The following GNAQ variants were observed in gnomAD, a reference collection of about 807,000 sequenced individuals.
The protein encoded by GNAQ is guanine nucleotide-binding protein G(q) subunit alpha.
GNAQ carries 8 observed loss-of-function variants against 43.9 expected under a neutral mutation model. The ratio of observed to expected loss-of-function variants is 0.18; its 90% confidence interval spans 0.11 to 0.33. GNAQ has a LOEUF of 0.33. Among genes scored for constraint, GNAQ ranks in the 10% least tolerant of loss-of-function variants. The pLI is 1.00. For synonymous variants in GNAQ, 155 were observed against 170.7 expected (o/e 0.91, Z 0.71); for missense variants, 158 against 450.8 (o/e 0.35, Z 5.88).
intron 2 of GNAQ, among the ~76,000 whole-genome samples, chr9:77,905,707 A>C (rs989426011): frequency 5.9e-5 from 9 of 152,186 alleles, no homozygotes; most frequent in African/African-American, 2.2e-4. Context: ...ATTCAGGAAA[A>C]TTCTGTCCAA....
At chr9:78,007,521 A>G (rs1202464515) in intron 1 of GNAQ, among the ~76,000 whole-genome samples, 1 of 152,214 alleles carries the variant, frequency 6.6e-6, no homozygotes, top group African/African-American at 2.4e-5. Flanking sequence ...CATACAAAGA[A>G]GGCTGAAAAA....
intron 2 of GNAQ, among the ~76,000 whole-genome samples, chr9:77,816,110 A>G: frequency 6.6e-6 from 1 of 152,288 alleles, no homozygotes; most frequent in East Asian, 1.9e-4. Flanking sequence ...TTATTATTAA[A>G]AGAAAAGGAG....
rs1368641750 is a variant in GNAQ at position 77,762,758 on chromosome 9, G to C, written c.735+31705C>G. ...TTTCATTTTGTTCTGTACTAAGAAA[G>C]ATTCTTCTGCCTTGGGATCCTGTTG... On this transcript the variant is annotated intron_variant, in intron 5 of 6. Transcript: ENST00000286548. Among the ~76,000 whole-genome samples, 10 of 152,228 alleles carry C rather than the reference G, an allele frequency of 6.6e-5. No individual in the cohort carries two copies. The East Asian group carries it at 1.7e-3, about 27-fold the overall frequency.
At chr9:78,006,326 T>C (rs1342155077) in intron 1 of GNAQ, among the ~76,000 whole-genome samples, 1 of 152,182 alleles carries the variant, frequency 6.6e-6, no homozygotes, top group African/African-American at 2.4e-5. Context: ...AAAAGAAGTA[T>C]ACTGCCCCCT....
intron 1 of GNAQ, among the ~76,000 whole-genome samples, chr9:77,974,884 T>C (rs570748428): frequency 3.2e-4 from 49 of 152,366 alleles, no homozygotes; most frequent in African/African-American, 1.1e-3. Context: ...TTTTACTTTG[T>C]TGCATAGCTT....
chr9:77,958,321 T>C (rs1216965021), intron 1 of GNAQ, among the ~76,000 whole-genome samples: 2 of 152,056 alleles, frequency 1.3e-5, no homozygotes, highest in Non-Finnish European at 2.9e-5. Flanking sequence ...TTGTATCCTA[T>C]TGGCAACACG....
chr9:77,883,921 C>A lies in GNAQ; in HGVS notation c.321+38240G>T, dbSNP rs183549555. 1.7e-4 allele frequency among the ~76,000 whole-genome samples: 26 copies of A among 152,350 alleles called. No individual in the cohort carries two copies. In the East Asian group the frequency reaches 3.7e-3, roughly 21 times the overall value. Reference sequence around the variant, plus strand: ...CAAGTTTATTTAACACTGTCACAGGCTCTCAAATTCTTCTCAAGATTTTGG... The same window carrying A: ...CAAGTTTATTTAACACTGTCACAGGATCTCAAATTCTTCTCAAGATTTTGG... On this transcript the variant is annotated intron_variant, in intron 2 of 6. Transcript: ENST00000286548.
intron 1 of GNAQ, among the ~76,000 whole-genome samples, chr9:77,928,872 T>A (rs1312262795): frequency 6.6e-6 from 1 of 151,750 alleles, no homozygotes; most frequent in Non-Finnish European, 1.5e-5. Flanking sequence ...ATACAAAAAT[T>A]AGCTAGACGT....
At chr9:77,970,092 G>A (rs969303865) in intron 1 of GNAQ, among the ~76,000 whole-genome samples, 4 of 152,022 alleles carry the variant, frequency 2.6e-5, no homozygotes, top group African/African-American at 7.2e-5. Flanking sequence ...AGTGGTGCAC[G>A]CCTGTAATCC....
At chr9:77,952,498 G>A (rs568954974) in intron 1 of GNAQ, among the ~76,000 whole-genome samples, 2 of 152,272 alleles carry the variant, frequency 1.3e-5, no homozygotes, top group South Asian at 4.1e-4. Flanking sequence ...GTATCCAACT[G>A]TGCTGTTATT....
intron 1 of GNAQ, among the ~76,000 whole-genome samples, chr9:78,008,065 A>G (rs1823728569): frequency 6.6e-6 from 1 of 152,248 alleles, no homozygotes; most frequent in African/African-American, 2.4e-5. Flanking sequence ...GTAAATTACC[A>G]AATTAAAGAA....
intron 2 of GNAQ, among the ~76,000 whole-genome samples, chr9:77,907,287 C>T (rs1262744425): frequency 6.6e-6 from 1 of 152,066 alleles, no homozygotes; most frequent in African/African-American, 2.4e-5. Flanking sequence ...ACAAAGATAT[C>T]GCCATGGGAA....
intron 1 of GNAQ, among the ~76,000 whole-genome samples, chr9:77,924,039 T>C (rs1829034739): frequency 6.6e-6 from 1 of 152,182 alleles, no homozygotes; most frequent in Admixed American, 6.5e-5. Context: ...ATGAAAGGTA[T>C]TTCTAGCCAC....
At chr9:77,732,076 G>A (rs762399973) in intron 5 of GNAQ, among the ~76,000 whole-genome samples, 9 of 152,172 alleles carry the variant, frequency 5.9e-5, no homozygotes, top group Non-Finnish European at 1.0e-4. Context: ...AGTGGAACGT[G>A]CAGAGTGTGA....
chr9:77,920,664 T>A (rs1466677786), intron 2 of GNAQ, among the ~76,000 whole-genome samples: 12 of 152,202 alleles, frequency 7.9e-5, no homozygotes. Flanking sequence ...TCAATTACCA[T>A]GTTCCTGGGC....
chr9:77,823,040 T>A (rs973049059), intron 2 of GNAQ, among the ~76,000 whole-genome samples: 1 of 151,800 alleles, frequency 6.6e-6, no homozygotes, highest in Non-Finnish European at 1.5e-5. Flanking sequence ...CCCGGGTTCA[T>A]GCCATTCTCC....
intron 1 of GNAQ, among the ~76,000 whole-genome samples, chr9:78,028,430 T>C (rs796988069): frequency 9.2e-5 from 14 of 152,330 alleles, no homozygotes; most frequent in African/African-American, 2.9e-4. Flanking sequence ...TACCCACTAA[T>C]TGTCTTTTTA....
At chr9:77,870,362 G>A (rs1161138341) in intron 2 of GNAQ, among the ~76,000 whole-genome samples, 1 of 100,760 alleles carries the variant, frequency 9.9e-6, no homozygotes, top group Admixed American at 1.4e-4. Flanking sequence ...ACGGAGTTTT[G>A]CTCTGTCACC....
intron 2 of GNAQ, among the ~76,000 whole-genome samples, chr9:77,827,398 A>C (rs1317375644): frequency 3.3e-5 from 5 of 151,930 alleles, no homozygotes; most frequent in Middle Eastern, 3.4e-3. Context: ...AAAAAAAAAA[A>C]AAACTGAGCA....
Sources: allele counts gnomAD v4.1 joint callset (sites outside exome capture counted in the v4.1 genomes callset), GRCh38; gene constraint gnomAD v4.1.1; transcripts MANE v1.5; gene names NCBI Gene and HGNC (gene_info 2026-07-23, HGNC 2026-07-21).